The following LEKR1 variants were observed in gnomAD, a reference collection of about 807,000 sequenced individuals.
LEKR1 encodes protein LEKR1.
In LEKR1, 59 loss-of-function variants were observed where a neutral mutation model predicts 72.4. The observed-to-expected ratio is 0.82, with a 90% CI of 0.66 to 1.01. LEKR1 has a LOEUF of 1.01. LEKR1 is among the 50% of genes least tolerant of loss of function. The pLI, the probability that LEKR1 is intolerant of heterozygous loss-of-function variation, is 0.00. For missense variants in LEKR1, 728 were observed against 759.2 expected, an observed-to-expected ratio of 0.96 and a Z score of 0.48; for synonymous variants, 257 against 263.2, an observed-to-expected ratio of 0.98 and a Z score of 0.23.
intron 3 of LEKR1, among the ~76,000 whole-genome samples, chr3:156,911,070 A>G (rs1248961487): frequency 6.6e-6 from 1 of 152,132 alleles, no homozygotes; most frequent in Admixed American, 6.5e-5. Context: ...TTTGATTTAC[A>G]TTCCTCTAAC....
At chr3:156,951,884 T>A (rs1727186943) in intron 6 of LEKR1, among the ~76,000 whole-genome samples, 1 of 151,592 alleles carries the variant, frequency 6.6e-6, no homozygotes, top group Admixed American at 6.6e-5. Flanking sequence ...ATTTCTTGTA[T>A]TTTGCTAGCT....
At chr3:156,875,421 A>T (rs2108548645) in intron 3 of LEKR1, among the ~76,000 whole-genome samples, 1 of 152,230 alleles carries the variant, frequency 6.6e-6, no homozygotes. Context: ...GATTCTGGAT[A>T]TTAGTCCTTT....
chr3:156,912,773 C>T (rs935602867), intron 3 of LEKR1, among the ~76,000 whole-genome samples: 2 of 152,186 alleles, frequency 1.3e-5, no homozygotes, highest in Non-Finnish European at 2.9e-5. Context: ...ATACTAGAGA[C>T]TGGGAATGTG....
intron 12 of LEKR1, among the ~76,000 whole-genome samples, chr3:157,029,696 A>G (rs1386726402): frequency 6.6e-6 from 1 of 152,114 alleles, no homozygotes; most frequent in Non-Finnish European, 1.5e-5. Context: ...AAGGAGGGAG[A>G]GCACACGTGG....
At chr3:156,860,026 C>T (rs1454942834) in intron 3 of LEKR1, among the ~76,000 whole-genome samples, 1 of 152,052 alleles carries the variant, frequency 6.6e-6, no homozygotes, top group Non-Finnish European at 1.5e-5. Context: ...ATTTTATTGC[C>T]TTGGTATTTA....
chr3:156,911,386 T>C lies in LEKR1; in HGVS notation c.264-9189T>C, dbSNP rs937184965. 2.0e-5 allele frequency among the ~76,000 whole-genome samples: 3 copies of C among 152,300 alleles called. 1 individual carries two copies. The highest frequency in any genetic ancestry group is 6.5e-5 in the Admixed American group (1 of 15,296). The stretch of plus-strand genomic sequence containing the variant: ...TTTCTTGTTGAATTGTTTAAATTCC[T>C]TATAGATTCTGGATATTAGACTTGT... On this transcript the variant is annotated intron_variant, in intron 3 of 12. Coordinates refer to ENST00000356539, the MANE Select transcript of LEKR1 (RefSeq NM_001004316.3).
chr3:156,843,206 A>G (rs1489740333), intron 2 of LEKR1, among the ~76,000 whole-genome samples: 2 of 152,208 alleles, frequency 1.3e-5, no homozygotes, highest in African/African-American at 4.8e-5. Context: ...TAATACTGTA[A>G]TTGTATATCT....
At chr3:156,870,267 T>C (rs1484880939) in intron 3 of LEKR1, among the ~76,000 whole-genome samples, 1 of 152,128 alleles carries the variant, frequency 6.6e-6, no homozygotes, top group Non-Finnish European at 1.5e-5. Flanking sequence ...AGGGACTGCA[T>C]TGAATCTGTA....
At chr3:156,901,851 A>G (rs954525542) in intron 3 of LEKR1, among the ~76,000 whole-genome samples, 9 of 152,148 alleles carry the variant, frequency 5.9e-5, no homozygotes, top group African/African-American at 2.2e-4. Flanking sequence ...AAACCCAGCT[A>G]ATTTTTGTAT....
chr3:156,863,699 C>T (rs1314890579), intron 3 of LEKR1, among the ~76,000 whole-genome samples: 2 of 152,070 alleles, frequency 1.3e-5, no homozygotes, highest in Non-Finnish European at 2.9e-5. Flanking sequence ...TAATGATGCT[C>T]ACACAGCTGA....
At chr3:157,037,488 C>T (rs1424270077) in intron 12 of LEKR1, among the ~76,000 whole-genome samples, 8 of 152,008 alleles carry the variant, frequency 5.3e-5, no homozygotes, top group African/African-American at 2.4e-5. Flanking sequence ...GAATATAAAC[C>T]TTAATGAGAT....
At chr3:156,837,320 T>C (rs1298768399) in intron 2 of LEKR1, among the ~76,000 whole-genome samples, 1 of 152,204 alleles carries the variant, frequency 6.6e-6, no homozygotes, top group Non-Finnish European at 1.5e-5. Context: ...CATGACACAT[T>C]TGGGATGAAG....
At chr3:156,970,140 C>T (rs924821399) in intron 6 of LEKR1, among the ~76,000 whole-genome samples, 11 of 152,164 alleles carry the variant, frequency 7.2e-5, no homozygotes, top group African/African-American at 2.7e-4. Context: ...TAAGAGCTAT[C>T]TATGACAAAC....
intron 7 of LEKR1, among the ~76,000 whole-genome samples, chr3:156,989,499 C>T (rs1176300847): frequency 6.6e-6 from 1 of 152,156 alleles, no homozygotes. Context: ...GCTTCCTGGA[C>T]AATAGTGGGT....
At position 156,996,997 on chromosome 3, in the gene LEKR1, G is replaced by A. The variant is rs186953432; in HGVS notation, c.1109+3720G>A. On this transcript the variant is annotated intron_variant, in intron 9 of 12. Coordinates refer to ENST00000356539, the MANE Select transcript of LEKR1 (RefSeq NM_001004316.3). Reference sequence around the variant, plus strand: ...GGAGAATCGTCTGAACCTGGGAGGCGGAGGTTGCAGTGAGCCGAGACTGCA... The same window carrying A: ...GGAGAATCGTCTGAACCTGGGAGGCAGAGGTTGCAGTGAGCCGAGACTGCA... 2.0e-4 allele frequency among the ~76,000 whole-genome samples: 30 copies of A among 151,846 alleles called. No homozygotes were observed. In the South Asian group the frequency reaches 4.0e-3, roughly 20 times the overall value.
chr3:156,860,064 G>A (rs1716589276), intron 3 of LEKR1, among the ~76,000 whole-genome samples: 1 of 152,060 alleles, frequency 6.6e-6, no homozygotes, highest in Non-Finnish European at 1.5e-5. Context: ...TAGGCCATCT[G>A]CCTTCTTTCC....
intron 3 of LEKR1, among the ~76,000 whole-genome samples, chr3:156,904,891 A>G (rs888829371): frequency 1.3e-5 from 2 of 152,058 alleles, no homozygotes; most frequent in African/African-American, 4.8e-5. Context: ...AGAGTACCAT[A>G]TTCAGTCAAA....
At chr3:156,878,906 C>G (rs1369089541) in intron 3 of LEKR1, among the ~76,000 whole-genome samples, 1 of 152,170 alleles carries the variant, frequency 6.6e-6, no homozygotes, top group Non-Finnish European at 1.5e-5. Flanking sequence ...CTCTCATTCT[C>G]TCTTGTCTGC....
chr3:156,962,849 C>T (rs1484589831), intron 6 of LEKR1, among the ~76,000 whole-genome samples: 2 of 152,158 alleles, frequency 1.3e-5, no homozygotes, highest in Non-Finnish European at 2.9e-5. Flanking sequence ...AACCTTCTCT[C>T]CTTGTTCTTT....
Sources: gnomAD v4.1 joint callset for allele counts (sites outside exome capture counted in the v4.1 genomes callset) on GRCh38, gnomAD v4.1.1 for gene constraint, MANE v1.5 for transcripts, NCBI Gene and HGNC (gene_info 2026-07-23, HGNC 2026-07-21) for gene names.